VSIG10: variants seen among roughly 807,000 people sequenced by gnomAD.
VSIG10 encodes the protein V-set and immunoglobulin domain containing 10.
In VSIG10, 48 loss-of-function variants were observed where a neutral mutation model predicts 58.7. That is an observed-to-expected ratio of 0.82 (90% confidence interval 0.65 to 1.04). VSIG10 has a LOEUF of 1.04. Ranked by LOEUF, VSIG10 falls within the 50% of genes least tolerant of loss-of-function variation. The probability of loss-of-function intolerance (pLI) is 0.00; values close to 1 mark genes in which losing one functional copy is unlikely to be tolerated. For missense variants in VSIG10, 628 were observed against 670.0 expected, an observed-to-expected ratio of 0.94 and a Z score of 0.69; for synonymous variants, 260 against 267.1, an observed-to-expected ratio of 0.97 and a Z score of 0.26.
chr12:118,095,766 T>G lies in VSIG10; in HGVS notation c.128A>C (p.His43Pro). ...IGEVHENVTL[H>P]CGNISGLRGQ... The stretch of plus-strand genomic sequence containing the variant: ...CCTCAGTCCCGAGATGTTGCCACAG[T>G]GCAGAGTAACATTCTCATGAACTTC... Residue 43 changes from histidine (H) to proline (P), a missense_variant, in exon 2 of 9, where the codon CAC (histidine) becomes CCC (proline). Coordinates refer to ENST00000359236, the MANE Select transcript of VSIG10 (RefSeq NM_019086.6). 1 of 1,613,102 alleles carries G rather than the reference T, an allele frequency of 6.2e-7. No individual in the cohort carries two copies. Among genetic ancestry groups the G allele is most frequent in the Non-Finnish European group, 8.5e-7 (1 of 1,179,562 alleles).
intron 5 of VSIG10, among the ~76,000 whole-genome samples, chr12:118,071,822 G>GT (rs780078741): frequency 4.6e-5 from 7 of 152,246 alleles, no homozygotes; most frequent in African/African-American, 7.2e-5. Context: ...GGGTCCACAC[G>GT]TAAGTATAAT....
At chr12:118,077,043 T>C (rs2032756442) in intron 4 of VSIG10, among the ~76,000 whole-genome samples, 1 of 152,218 alleles carries the variant, frequency 6.6e-6, no homozygotes, top group Admixed American at 6.5e-5. Context: ...CTTGATTCCA[T>C]CTGCAAAGAC....
chr12:118,068,645 C>T (rs1187053432), intron 7 of VSIG10, 48 bp from the exon 8 acceptor site: 3 of 1,487,916 alleles, frequency 2.0e-6, no homozygotes, highest in South Asian at 2.8e-5. Context: ...TTATTTTTCC[C>T]AACTTCAGCC....
At chr12:118,092,644 T>C (rs569812910) in intron 2 of VSIG10, among the ~76,000 whole-genome samples, 1 of 151,238 alleles carries the variant, frequency 6.6e-6, no homozygotes, top group East Asian at 1.9e-4. Flanking sequence ...TTTTCTTTTT[T>C]TTTTTTTTGA....
chr12:118,077,586 C>G (rs1024325277), intron 4 of VSIG10, among the ~76,000 whole-genome samples: 1 of 152,094 alleles, frequency 6.6e-6, no homozygotes, highest in Non-Finnish European at 1.5e-5. Flanking sequence ...TCTTCCCAGC[C>G]CTCTTCAATG....
chr12:118,087,855 A>AAG (rs1555273648), intron 2 of VSIG10, among the ~76,000 whole-genome samples: 39 of 131,314 alleles, frequency 3.0e-4, no homozygotes, highest in African/African-American at 9.5e-4. Context: ...AAAAAAAAAA[A>AAG]AGAGAGAGAA....
chr12:118,102,589 G>A (rs1355658672), intron 1 of VSIG10: 1 of 151,584 alleles, frequency 6.6e-6, no homozygotes, highest in African/African-American at 2.4e-5. Flanking sequence ...TAAATGGTTG[G>A]TTAAAAAAAA....
rs1396403351 is a variant in VSIG10 at position 118,082,395 on chromosome 12, G to A, written c.396C>T (p.Ala132=). 2 of 1,613,086 alleles carry A rather than the reference G, an allele frequency of 1.2e-6. No homozygotes were observed. Among genetic ancestry groups the A allele is most frequent in the Non-Finnish European group, 1.7e-6 (2 of 1,179,420 alleles). ...GGGTGCCGTTGGGGAGTGTGCCGGTGGCCACGATGTGGACCTCAATCTGAT... is the reference window on the plus strand; with the variant it reads ...GGGTGCCGTTGGGGAGTGTGCCGGTAGCCACGATGTGGACCTCAATCTGAT... The part of the protein sequence containing the change: ...GPYQIEVHIV[A]TGTLPNGTLY... Residue 132 remains alanine (A), a synonymous_variant, in exon 3 of 9, where the codon GCC becomes GCT. Transcript: ENST00000359236.
At chr12:118,076,292 G>A (rs776551720) in intron 4 of VSIG10, among the ~76,000 whole-genome samples, 3 of 151,950 alleles carry the variant, frequency 2.0e-5, no homozygotes, top group Non-Finnish European at 2.9e-5. Flanking sequence ...GGCTAAATTC[G>A]GCCCAGGATG....
chr12:118,067,243 C>T (rs1884061694), intron 8 of VSIG10, among the ~76,000 whole-genome samples: 1 of 152,064 alleles, frequency 6.6e-6, no homozygotes, highest in South Asian at 2.1e-4. Flanking sequence ...AGGCTAGTCT[C>T]GAACTCCTGA....
chr12:118,084,796 C>T (rs4767663), intron 2 of VSIG10, among the ~76,000 whole-genome samples: 96,645 of 152,074 alleles, frequency 0.64, 32,161 homozygotes, highest in African/African-American at 0.83. Context: ...AGAGAATCAC[C>T]TAAACAAGGT....
intron 7 of VSIG10, among the ~76,000 whole-genome samples, chr12:118,069,234 C>T (rs985761860): frequency 3.3e-5 from 5 of 152,006 alleles, no homozygotes; most frequent in East Asian, 1.9e-4. Context: ...GGACTACAGG[C>T]ATGCGCCACC....
chr12:118,095,420 C>T, intron 2 of VSIG10, 113 bp downstream of exon 2: 1 of 1,363,174 alleles, frequency 7.3e-7, no homozygotes, highest in South Asian at 1.4e-5. Flanking sequence ...GTGGCAGGGC[C>T]CAGAATGATT....
chr12:118,082,004 G>A, intron 3 of VSIG10, 123 bp downstream of exon 3: 1 of 1,147,378 alleles, frequency 8.7e-7, no homozygotes, highest in Admixed American at 3.0e-5. Context: ...GCAAGAAGAG[G>A]GAAACTCCAT....
chr12:118,097,148 C>T (rs2033484924), intron 1 of VSIG10, among the ~76,000 whole-genome samples: 1 of 152,156 alleles, frequency 6.6e-6, no homozygotes, highest in South Asian at 2.1e-4. Context: ...AAACATAGCC[C>T]CAGTTGTCCA....
At chr12:118,094,870 G>C (rs1161035285) in intron 2 of VSIG10, among the ~76,000 whole-genome samples, 3 of 151,518 alleles carry the variant, frequency 2.0e-5, no homozygotes, top group Non-Finnish European at 4.4e-5. Context: ...CCAAGTAGGA[G>C]GGATTACAGG....
chr12:118,098,924 T>TTG lies in VSIG10; in HGVS notation c.80-3111_80-3110insCA, dbSNP rs112334514. On this transcript the variant is annotated intron_variant, in intron 1 of 8. Coordinates refer to ENST00000359236, the MANE Select transcript of VSIG10 (RefSeq NM_019086.6). The stretch of plus-strand genomic sequence containing the variant: ...AACTTTTTTTTTAAGAGATGGGGGT[T>TTG]GGGGGGGGTCTCACTCTGATGTCCT... 3.2e-3 allele frequency among the ~76,000 whole-genome samples: 480 copies of TTG among 147,978 alleles called. 12 individuals are homozygous for TTG. The highest frequency in any genetic ancestry group is 3.5e-3 in the Middle Eastern group (1 of 286).
chr12:118,083,913 G>A (rs893153715), intron 2 of VSIG10, among the ~76,000 whole-genome samples: 8 of 151,726 alleles, frequency 5.3e-5, no homozygotes, highest in Middle Eastern at 6.9e-3. Flanking sequence ...ATGAGCCCAG[G>A]AGTTCGAGAC....
intron 2 of VSIG10, among the ~76,000 whole-genome samples, chr12:118,095,062 C>T (rs530516539): frequency 6.6e-6 from 1 of 152,306 alleles, no homozygotes; most frequent in African/African-American, 2.4e-5. Flanking sequence ...CGCCACCACG[C>T]TCAGCTAATT....
Sources: allele counts gnomAD v4.1 joint callset (sites outside exome capture counted in the v4.1 genomes callset), GRCh38; gene constraint gnomAD v4.1.1; transcripts MANE v1.5; gene names NCBI Gene and HGNC (gene_info 2026-07-23, HGNC 2026-07-21).